The following CADPS2 variants were observed in gnomAD, a reference collection of about 807,000 sequenced individuals.
The protein encoded by CADPS2 is calcium-dependent secretion activator 2.
Under a neutral mutation model 172.5 loss-of-function variants are expected in CADPS2, and 93 were observed. The observed-to-expected ratio is 0.54, with a 90% CI of 0.46 to 0.64. CADPS2 has a LOEUF of 0.64. CADPS2 is among the 30% of genes least tolerant of loss of function. The pLI is 0.00. For synonymous variants in CADPS2, 546 were observed against 555.2 expected (o/e 0.98, Z 0.23); for missense variants, 1,420 against 1,565.9 (o/e 0.91, Z 1.57).
chr7:122,771,126 G>A (rs1399553483), intron 1 of CADPS2, among the ~76,000 whole-genome samples: 1 of 152,158 alleles, frequency 6.6e-6, no homozygotes, highest in Non-Finnish European at 1.5e-5. Flanking sequence ...AGATATCCTG[G>A]AATTTTCAAA....
chr7:122,359,936 T>C (rs1337177079), intron 27 of CADPS2, among the ~76,000 whole-genome samples: 2 of 152,176 alleles, frequency 1.3e-5, no homozygotes, highest in Non-Finnish European at 2.9e-5. Flanking sequence ...CTACAACTGA[T>C]ACATAAAGCT....
At chr7:122,816,443 G>C (rs1408018742) in intron 1 of CADPS2, among the ~76,000 whole-genome samples, 1 of 152,080 alleles carries the variant, frequency 6.6e-6, no homozygotes, top group Non-Finnish European at 1.5e-5. Flanking sequence ...TTCATCAGTG[G>C]ACATTTACGT....
At chr7:122,563,248 T>C (rs1456718245) in intron 7 of CADPS2, among the ~76,000 whole-genome samples, 2 of 152,220 alleles carry the variant, frequency 1.3e-5, no homozygotes, top group African/African-American at 4.8e-5. Context: ...CCCTCAGCCA[T>C]AAATTATGAA....
chr7:122,874,006 G>A (rs943187210), intron 1 of CADPS2, among the ~76,000 whole-genome samples: 1 of 151,300 alleles, frequency 6.6e-6, no homozygotes, highest in African/African-American at 2.4e-5. Flanking sequence ...CTTTTTGATG[G>A]GTTTTTTTTT....
chr7:122,656,414 G>A (rs1029570025), intron 3 of CADPS2, among the ~76,000 whole-genome samples: 6 of 152,042 alleles, frequency 3.9e-5, no homozygotes, highest in East Asian at 1.9e-4. Context: ...CTTGACTCAC[G>A]TACTGAAAAG....
intron 8 of CADPS2, among the ~76,000 whole-genome samples, chr7:122,530,831 T>C (rs1292398594): frequency 6.6e-6 from 1 of 152,198 alleles, no homozygotes; most frequent in Non-Finnish European, 1.5e-5. Context: ...TTACCTCTTT[T>C]ATACGGAGGA....
intron 3 of CADPS2, among the ~76,000 whole-genome samples, chr7:122,637,846 G>C (rs953880632): frequency 6.6e-6 from 1 of 152,172 alleles, no homozygotes; most frequent in African/African-American, 2.4e-5. Flanking sequence ...CCATTTCTGG[G>C]TGCTTGCAGA....
At chr7:122,474,996 C>T (rs1348365252) in intron 12 of CADPS2, among the ~76,000 whole-genome samples, 1 of 152,060 alleles carries the variant, frequency 6.6e-6, no homozygotes, top group Admixed American at 6.5e-5. Context: ...TGGGACCATC[C>T]TTAATGTAAA....
At position 122,581,263 on chromosome 7, in the gene CADPS2, G is replaced by A. The variant is rs756813101; in HGVS notation, c.1251C>T (p.Thr417=). Residue 417 remains threonine, a synonymous_variant, in exon 7 of 30, where the codon ACC becomes ACT. Transcript: ENST00000449022. ...CTTTGACCACAGGCCGAGGATGGGT[G>A]GTGGTGAAATCTCCTTGAGTCCCCC... ...PQWGTQGDFT[T]THPRPVVKVK... 2.5e-6 allele frequency: 4 copies of A among 1,613,058 alleles called. No individual in the cohort carries two copies. In the South Asian group the frequency reaches 4.4e-5, roughly 18 times the overall value.
rs12334010 is a variant in CADPS2, at chr7:122,524,870, T to C, written c.1476-11555A>G. 3.8e-3 allele frequency among the ~76,000 whole-genome samples: 586 copies of C among 152,290 alleles called. 5 individuals carry two copies. The highest frequency in any genetic ancestry group is 0.013 in the African/African-American group (553 of 41,562). Reference sequence around the variant, plus strand: ...ATCTATAAAAATGTATGTTTGGGGCTGGGTGTGGTGGTTCACGCCTATAAT... The same window carrying C: ...ATCTATAAAAATGTATGTTTGGGGCCGGGTGTGGTGGTTCACGCCTATAAT... On this transcript the variant is annotated intron_variant, in intron 8 of 29. Coordinates refer to ENST00000449022, the MANE Select transcript of CADPS2 (RefSeq NM_017954.11).
At chr7:122,611,854 T>C (rs891808255) in intron 6 of CADPS2, among the ~76,000 whole-genome samples, 4 of 151,978 alleles carry the variant, frequency 2.6e-5, no homozygotes, top group Admixed American at 2.0e-4. Flanking sequence ...ATTTTAAAAA[T>C]CCTATATTAT....
intron 25 of CADPS2, among the ~76,000 whole-genome samples, chr7:122,369,333 G>T (rs1432835614): frequency 6.6e-6 from 1 of 151,752 alleles, no homozygotes; most frequent in Admixed American, 6.6e-5. Flanking sequence ...GGGTTTCAGC[G>T]TGTTAGCCAG....
At chr7:122,573,453 T>C (rs1265285252) in intron 7 of CADPS2, among the ~76,000 whole-genome samples, 4 of 152,004 alleles carry the variant, frequency 2.6e-5, no homozygotes, top group Non-Finnish European at 5.9e-5. Context: ...GGTGGGAGGA[T>C]CGCTTGAGCC....
chr7:122,369,130 C>CG (rs1197185284), intron 25 of CADPS2, among the ~76,000 whole-genome samples: 1 of 31,272 alleles, frequency 3.2e-5, no homozygotes, highest in African/African-American at 1.8e-4. Context: ...TTTTGTTTCC[C>CG]CCCCCCCCCC....
At chr7:122,484,883 C>CACGTGCTCATATCATG (rs200952388) in intron 11 of CADPS2, among the ~76,000 whole-genome samples, 2 of 152,004 alleles carry the variant, frequency 1.3e-5, no homozygotes, top group Non-Finnish European at 2.9e-5. Context: ...TTTTTAACAA[C>CACGTGCTCATATCATG]ACGTGCTCAT....
At chr7:122,664,125 C>T (rs188680257) in intron 2 of CADPS2, among the ~76,000 whole-genome samples, 223 of 150,460 alleles carry the variant, frequency 1.5e-3, no homozygotes, top group African/African-American at 4.9e-3. Flanking sequence ...ACCCAACATC[C>T]ATACCTGTGT....
chr7:122,579,845 T>C (rs10266303), intron 7 of CADPS2, among the ~76,000 whole-genome samples: 24,555 of 151,834 alleles, frequency 0.16, 2,644 homozygotes, highest in African/African-American at 0.3. Flanking sequence ...ATCAATAAAA[T>C]GGAAGAGGAA....
intron 28 of CADPS2, among the ~76,000 whole-genome samples, chr7:122,328,972 A>G (rs973159276): frequency 6.6e-6 from 1 of 152,160 alleles, no homozygotes; most frequent in African/African-American, 2.4e-5. Context: ...AGCAAGCAAC[A>G]AGCTGAAGGG....
At chr7:122,408,364 C>T (rs1482790143) in intron 19 of CADPS2, among the ~76,000 whole-genome samples, 1 of 152,072 alleles carries the variant, frequency 6.6e-6, no homozygotes, top group African/African-American at 2.4e-5. Context: ...TCACACATTG[C>T]AAATTGCTCT....
Sources: allele counts gnomAD v4.1 joint callset (sites outside exome capture counted in the v4.1 genomes callset), GRCh38; gene constraint gnomAD v4.1.1; transcripts MANE v1.5; gene names NCBI Gene and HGNC (gene_info 2026-07-23, HGNC 2026-07-21).